The following NFE2L3 variants were observed in gnomAD, a reference collection of about 807,000 sequenced individuals.
NFE2L3 encodes nuclear factor erythroid 2-related factor 3.
In NFE2L3, 18 loss-of-function variants were observed where a neutral mutation model predicts 23.5. The ratio of observed to expected loss-of-function variants is 0.77; its 90% CI spans 0.53 to 1.13. The LOEUF (loss-of-function observed/expected upper bound fraction) is 1.13. NFE2L3 is among the 50% of genes most tolerant of loss of function. The probability of loss-of-function intolerance (pLI) is 0.00; values close to 1 mark genes in which losing one functional copy is unlikely to be tolerated. For synonymous variants in NFE2L3, 424 were observed against 354.5 expected, an observed-to-expected ratio of 1.20 and a Z score of -2.20; for missense variants, 1,152 against 877.2, an observed-to-expected ratio of 1.31 and a Z score of -3.96.
intron 1 of NFE2L3, among the ~76,000 whole-genome samples, chr7:26,160,385 A>G (rs1345085226): frequency 6.6e-6 from 1 of 152,210 alleles, no homozygotes; most frequent in African/African-American, 2.4e-5. Flanking sequence ...CACAGAGGCA[A>G]GACGTGATCT....
chr7:26,186,247 A>G lies in NFE2L3; in HGVS notation c.*464A>G, dbSNP rs2128101094. 1 of 143,616 alleles carries G rather than the reference A, an allele frequency of 7.0e-6. No homozygotes were observed. Among genetic ancestry groups the G allele is most frequent in the Middle Eastern group, 3.6e-3 (1 of 280 alleles). The allele number at this position is 143,616 out of a possible 1,614,324, so 8.9% of individuals were successfully genotyped here. ...CTATTTTAATCTTTATATTTAACTT[A>G]TAAATTTTGCTTTCTATGGAAATAA... On this transcript the variant is annotated 3_prime_UTR_variant, in exon 4 of 4. Coordinates refer to ENST00000056233, the MANE Select transcript of NFE2L3 (RefSeq NM_004289.7).
At chr7:26,161,331 CTCTCTT>C (rs1445817922) in intron 1 of NFE2L3, among the ~76,000 whole-genome samples, 1 of 125,126 alleles carries the variant, frequency 8.0e-6, no homozygotes, top group Non-Finnish European at 1.6e-5. Flanking sequence ...CTTAGCTTCT[CTCTCTT>C]TTTTTTTTTT....
chr7:26,155,084 T>C (rs1178585662), intron 1 of NFE2L3, among the ~76,000 whole-genome samples: 1 of 152,262 alleles, frequency 6.6e-6, no homozygotes, highest in East Asian at 1.9e-4. Flanking sequence ...CAGTTCACTT[T>C]TGTTGCCTTT....
At chr7:26,181,301 A>G (rs1451701224) in intron 2 of NFE2L3, among the ~76,000 whole-genome samples, 3 of 152,124 alleles carry the variant, frequency 2.0e-5, no homozygotes, top group Non-Finnish European at 4.4e-5. Flanking sequence ...AGCTCTGACA[A>G]GATATTTCTG....
chr7:26,166,410 G>A (rs1019177260), intron 1 of NFE2L3, among the ~76,000 whole-genome samples: 4 of 152,186 alleles, frequency 2.6e-5, no homozygotes, highest in African/African-American at 9.6e-5. Context: ...GAGCCCTAGA[G>A]TTTCTCAGGG....
intron 1 of NFE2L3, chr7:26,174,637 A>G (rs960442205): frequency 6.6e-6 from 1 of 152,286 alleles, no homozygotes; most frequent in African/African-American, 2.4e-5. Flanking sequence ...CAAGTGGACC[A>G]GCAGAACATC....
At chr7:26,172,224 C>T (rs1784338204) in intron 1 of NFE2L3, among the ~76,000 whole-genome samples, 1 of 152,206 alleles carries the variant, frequency 6.6e-6, no homozygotes, top group Admixed American at 6.5e-5. Context: ...TTGCTGTTGC[C>T]TTAGCCAAAG....
intron 1 of NFE2L3, among the ~76,000 whole-genome samples, chr7:26,155,577 C>T (rs1158271198): frequency 6.6e-6 from 1 of 152,160 alleles, no homozygotes; most frequent in Non-Finnish European, 1.5e-5. Flanking sequence ...TAATTAAGTA[C>T]CTACACGGTA....
intron 2 of NFE2L3, among the ~76,000 whole-genome samples, chr7:26,179,133 T>G (rs1410626785): frequency 2.0e-5 from 3 of 151,972 alleles, no homozygotes; most frequent in Non-Finnish European, 1.5e-5. Flanking sequence ...CTTGGTGAAA[T>G]CTAGGGCAGG....
chr7:26,178,187 A>G (rs752182541), intron 2 of NFE2L3, 65 bp downstream of exon 2: 1 of 1,427,692 alleles, frequency 7.0e-7, no homozygotes, highest in African/African-American at 1.4e-5. Context: ...TGGCATTGAC[A>G]GTTTGTGTCA....
At chr7:26,174,861 C>T (rs1445768410) in intron 1 of NFE2L3, 2 of 152,156 alleles carry the variant, frequency 1.3e-5, no homozygotes, top group Non-Finnish European at 2.9e-5. Context: ...GAGCTTTTAA[C>T]ATGATAGTTG....
At chr7:26,180,994 G>T (rs1485420690) in intron 2 of NFE2L3, among the ~76,000 whole-genome samples, 1 of 151,708 alleles carries the variant, frequency 6.6e-6, no homozygotes, top group Non-Finnish European at 1.5e-5. Context: ...AGGCGGCGGG[G>T]GAGACAGGAT....
chr7:26,161,335 C>CTTT (rs914055111), intron 1 of NFE2L3, among the ~76,000 whole-genome samples: 17 of 69,572 alleles, frequency 2.4e-4, no homozygotes, highest in Non-Finnish European at 3.1e-4. Flanking sequence ...GCTTCTCTCT[C>CTTT]TTTTTTTTTT....
rs1782397406 is a variant in NFE2L3, at chr7:26,183,798, T to TG, written c.834+16dup. 8 of 1,585,244 alleles carry TG rather than the reference T, an allele frequency of 5.0e-6. No homozygotes were observed. Among genetic ancestry groups the TG allele is most frequent in the Non-Finnish European group, 6.9e-6 (8 of 1,153,620 alleles). ...AATTCACTGGAGGTAATTGGAACTT[T>TG]GGCTTTTATCCTCGCAGGAACATAT... On this transcript the variant is annotated intron_variant, in intron 3 of 3. Coordinates refer to ENST00000056233, the MANE Select transcript of NFE2L3 (RefSeq NM_004289.7).
chr7:26,153,049 C>T lies in NFE2L3; in HGVS notation c.551C>T (p.Ala184Val). Residue 184 changes from alanine to valine, a missense_variant, in exon 1 of 4, where the codon GCT (alanine) becomes GTT (valine). By Grantham distance (64) the Ala-to-Val change is moderately conservative. Coordinates refer to ENST00000056233, the MANE Select transcript of NFE2L3 (RefSeq NM_004289.7). Reference protein sequence around the residue: ...PAEPTAQVPDAGGCASEENGV... With the variant: ...PAEPTAQVPDVGGCASEENGV... ...GAACCGACGGCTCAGGTGCCGGACG[C>T]TGGCGGATGTGCGAGCGAGGTAGGT... 1 of 1,526,702 alleles carries T rather than the reference C, an allele frequency of 6.6e-7. No homozygotes were observed. The allele number at this position is 1,526,702 out of a possible 1,614,324, so 94.6% of individuals were successfully genotyped here. A position where few individuals can be genotyped will look rare whatever the true frequency, so the allele number is the denominator to read the frequency against.
At chr7:26,169,342 G>A (rs1379295088) in intron 1 of NFE2L3, among the ~76,000 whole-genome samples, 1 of 152,222 alleles carries the variant, frequency 6.6e-6, no homozygotes, top group African/African-American at 2.4e-5. Context: ...AGCAGAAGTC[G>A]AACTGTGATG....
chr7:26,161,006 G>A lies in NFE2L3; in HGVS notation c.570+7938G>A, dbSNP rs564947517. 5.9e-5 allele frequency among the ~76,000 whole-genome samples: 9 copies of A among 152,302 alleles called. No individual in the cohort carries two copies. The Middle Eastern group carries it at 0.01, about 173-fold the overall frequency. On this transcript the variant is annotated intron_variant, in intron 1 of 3. Transcript: ENST00000056233. ...GTAATAGATCGTCAACAGATGATTC[G>A]CTTTTATTGCTTCTGAGCTCCAGGT...
In NFE2L3 at chr7:26,184,984, A is replaced by G. The variant is rs370834547; in HGVS notation, c.1286A>G (p.Asn429Ser). The change falls in exon 4 of 4, where the codon AAT becomes AGT. Residue 429 changes from asparagine to serine, a missense_variant. Transcript: ENST00000056233. Reference sequence around the variant, plus strand: ...CTTTCTTTAGATTCAAGTCACAATAATACCTCTGTCATCAAGTCTAATTCC... The same window carrying G: ...CTTTCTTTAGATTCAAGTCACAATAGTACCTCTGTCATCAAGTCTAATTCC... ...SGLSLDSSHN[N>S]TSVIKSNSSH... 1 of 1,613,904 alleles carries G rather than the reference A, an allele frequency of 6.2e-7. No homozygotes were observed. The highest frequency in any genetic ancestry group is 8.5e-7 in the Non-Finnish European group (1 of 1,179,826).
rs1447817293 is a variant in NFE2L3, at chr7:26,163,120, T to A, written c.570+10052T>A. On this transcript the variant is annotated intron_variant, in intron 1 of 3. Coordinates refer to ENST00000056233, the MANE Select transcript of NFE2L3 (RefSeq NM_004289.7). ...AATTCATGGCCGGTCATGTTTCATCTTTAACTCTTGCCCTCTCTGTCCGCC... is the reference window on the plus strand; with the variant it reads ...AATTCATGGCCGGTCATGTTTCATCATTAACTCTTGCCCTCTCTGTCCGCC... 2.0e-5 allele frequency among the ~76,000 whole-genome samples: 3 copies of A among 152,196 alleles called. No homozygotes were observed. The South Asian group carries it at 6.2e-4, about 32-fold the overall frequency.
Sources: gnomAD v4.1 joint callset for allele counts (sites outside exome capture counted in the v4.1 genomes callset) on GRCh38, gnomAD v4.1.1 for gene constraint, MANE v1.5 for transcripts, NCBI Gene and HGNC (gene_info 2026-07-23, HGNC 2026-07-21) for gene names.